The following LATS2 variants were observed in gnomAD, a reference collection of about 807,000 sequenced individuals.
The protein encoded by LATS2 is large tumor suppressor kinase 2, also known as serine/threonine-protein kinase LATS2.
In LATS2, 24 loss-of-function variants were observed where a neutral mutation model predicts 76.0. The observed-to-expected ratio is 0.32, with a 90% CI of 0.23 to 0.44. LATS2 has a LOEUF of 0.44. Among genes scored for constraint, LATS2 ranks in the 20% least tolerant of loss-of-function variants. The pLI is 1.00. For missense variants in LATS2, 1,286 were observed against 1,481.2 expected (o/e 0.87, Z 2.16); for synonymous variants, 692 against 635.4 (o/e 1.09, Z -1.34).
At position 21,014,922 on chromosome 13, in the gene LATS2, G is replaced by A. The variant is rs1871742513; in HGVS notation, c.343-23518C>T. 1.3e-5 allele frequency among the ~76,000 whole-genome samples: 2 copies of A among 152,176 alleles called. 1 individual carries two copies. The highest frequency in any genetic ancestry group is 4.1e-4 in the South Asian group (2 of 4,832). On this transcript the variant is annotated intron_variant, in intron 2 of 7. Coordinates refer to ENST00000382592, the MANE Select transcript of LATS2 (RefSeq NM_014572.3). Reference sequence around the variant, plus strand: ...CTTTATGACACGTTAGTTTTGAAAGGAGGTACTGACAGCATGTTTGTTGGC... The same window carrying A: ...CTTTATGACACGTTAGTTTTGAAAGAAGGTACTGACAGCATGTTTGTTGGC...
intron 1 of LATS2, among the ~76,000 whole-genome samples, chr13:21,046,768 G>T (rs1392511307): frequency 1.3e-5 from 2 of 152,122 alleles, no homozygotes; most frequent in Non-Finnish European, 2.9e-5. Context: ...CACAAAGCCT[G>T]TCACATTAAA....
intron 2 of LATS2, among the ~76,000 whole-genome samples, chr13:20,997,812 TC>T (rs1870825720): frequency 6.6e-6 from 1 of 152,222 alleles, no homozygotes; most frequent in Non-Finnish European, 1.5e-5. Context: ...CAGAAGTATT[TC>T]ACGTGCATTG....
At chr13:21,007,847 C>T (rs1375685871) in intron 2 of LATS2, among the ~76,000 whole-genome samples, 2 of 134,152 alleles carry the variant, frequency 1.5e-5, no homozygotes, top group Non-Finnish European at 3.2e-5. Context: ...GCAGCCTCCA[C>T]CTTCCCGGTT....
At chr13:20,984,170 G>C (rs1482647630) in intron 4 of LATS2, among the ~76,000 whole-genome samples, 1 of 152,200 alleles carries the variant, frequency 6.6e-6, no homozygotes, top group African/African-American at 2.4e-5. Flanking sequence ...CTGACCTCAG[G>C]TGATCTGCCC....
intron 2 of LATS2, among the ~76,000 whole-genome samples, chr13:21,043,765 C>T (rs1167214062): frequency 1.3e-5 from 2 of 152,142 alleles, no homozygotes; most frequent in Admixed American, 6.5e-5. Flanking sequence ...ATGGATTTTA[C>T]CCTAATAAGA....
intron 3 of LATS2, 66 bp from the exon 4 acceptor site, chr13:20,989,370 G>C (rs1209224009): frequency 1.3e-6 from 2 of 1,558,038 alleles, no homozygotes; most frequent in Non-Finnish European, 1.8e-6. Context: ...GGCACTTCCA[G>C]GCTGGTCCCC....
chr13:20,994,885 T>A (rs1870681066), intron 2 of LATS2, among the ~76,000 whole-genome samples: 1 of 152,132 alleles, frequency 6.6e-6, no homozygotes, highest in Non-Finnish European at 1.5e-5. Flanking sequence ...AAATATTTTT[T>A]AAAAGAAGAA....
At chr13:21,038,228 G>A (rs557858237) in intron 2 of LATS2, among the ~76,000 whole-genome samples, 1 of 152,218 alleles carries the variant, frequency 6.6e-6, no homozygotes, top group Non-Finnish European at 1.5e-5. Flanking sequence ...CCTGTACCGG[G>A]GGCAGGAGAG....
chr13:20,975,324 A>T lies in LATS2; in HGVS notation c.2813T>A (p.Val938Glu). The T allele has an allele frequency of 6.3e-7, 1 of 1,598,370 alleles. No individual in the cohort carries two copies. The highest frequency in any genetic ancestry group is 1.1e-5 in the South Asian group (1 of 89,226). ...GTCCCTGGCCTCAGGGCTCAGCTTCACCTGGGCTGGAATGTGGAGCGTGTT... is the reference window on the plus strand; with the variant it reads ...GTCCCTGGCCTCAGGGCTCAGCTTCTCCTGGGCTGGAATGTGGAGCGTGTT... ...WENTLHIPAQ[V>E]KLSPEARDLI... The change falls in exon 8 of 8, where the codon GTG becomes GAG. Residue 938 changes from valine (V) to glutamate (E), a missense_variant. This residue lies in a region of LATS2 where 210 missense variants were observed against 234.9 expected (regional missense o/e 0.89). Transcript: ENST00000382592.
intron 2 of LATS2, among the ~76,000 whole-genome samples, chr13:21,019,505 TTGTA>T (rs1290048378): frequency 3.9e-5 from 5 of 127,148 alleles, no homozygotes; most frequent in African/African-American, 1.5e-4. Context: ...TTTTTTTTTT[TTGTA>T]TTTTTGTATT....
intron 2 of LATS2, among the ~76,000 whole-genome samples, chr13:21,007,393 C>G (rs946853018): frequency 1.3e-5 from 2 of 148,730 alleles, no homozygotes; most frequent in African/African-American, 2.5e-5. Context: ...CATTTTCTTT[C>G]TAAATGCCAA....
intron 2 of LATS2, among the ~76,000 whole-genome samples, chr13:21,024,944 C>G (rs982671685): frequency 1.3e-5 from 2 of 152,164 alleles, no homozygotes; most frequent in African/African-American, 2.4e-5. Flanking sequence ...CCCAGAGACA[C>G]GCACATTTAT....
chr13:21,047,573 C>T (rs1482644358), intron 1 of LATS2, among the ~76,000 whole-genome samples: 5 of 152,038 alleles, frequency 3.3e-5, no homozygotes, highest in Admixed American at 2.0e-4. Flanking sequence ...TTTTAATAAA[C>T]GAAGAACAAC....
intron 2 of LATS2, among the ~76,000 whole-genome samples, chr13:21,018,400 A>T (rs554053954): frequency 3.3e-5 from 5 of 152,272 alleles, no homozygotes; most frequent in African/African-American, 1.2e-4. Context: ...GTTGACATGG[A>T]AAAACAAAAT....
intron 7 of LATS2, among the ~76,000 whole-genome samples, chr13:20,978,909 A>C (rs1216154639): frequency 6.6e-6 from 1 of 152,080 alleles, no homozygotes; most frequent in Non-Finnish European, 1.5e-5. Context: ...TTACAGGTGC[A>C]CACCACCATG....
intron 2 of LATS2, among the ~76,000 whole-genome samples, chr13:20,992,645 A>C (rs1357466874): frequency 1.3e-5 from 2 of 152,166 alleles, no homozygotes; most frequent in African/African-American, 4.8e-5. Context: ...GAGCACTCTG[A>C]AGGTCAACGA....
intron 2 of LATS2, among the ~76,000 whole-genome samples, chr13:21,041,765 T>C (rs1037621332): frequency 6.6e-6 from 1 of 152,214 alleles, no homozygotes; most frequent in East Asian, 1.9e-4. Context: ...GCTTTGCTAT[T>C]CTAAGGGGTC....
chr13:21,050,336 G>A (rs1049289425), intron 1 of LATS2, among the ~76,000 whole-genome samples: 2 of 151,292 alleles, frequency 1.3e-5, no homozygotes, highest in African/African-American at 4.8e-5. Flanking sequence ...TCCAAATCAA[G>A]AAGTGTATCA....
intron 2 of LATS2, among the ~76,000 whole-genome samples, chr13:21,000,993 C>G (rs539841): frequency 0.97 from 147,701 of 152,322 alleles, 71,768 homozygotes; most frequent in East Asian, 1. Flanking sequence ...ATGACAATAA[C>G]ATGCTTACAC....
Sources: gnomAD v4.1 joint callset for allele counts (sites outside exome capture counted in the v4.1 genomes callset) on GRCh38, gnomAD v4.1.1 for gene constraint, gnomAD v4.1.1 regional missense constraint, MANE v1.5 for transcripts, NCBI Gene and HGNC (gene_info 2026-07-23, HGNC 2026-07-21) for gene names.